Variants in RASGRF1 observed in about 807,000 individuals in gnomAD.
RASGRF1 encodes the protein Ras protein specific guanine nucleotide releasing factor 1, also known as ras-specific guanine nucleotide-releasing factor 1.
Under a neutral mutation model 138.7 loss-of-function variants are expected in RASGRF1, and 40 were observed. The observed-to-expected ratio is 0.29, with a 90% CI of 0.22 to 0.38. The LOEUF (loss-of-function observed/expected upper bound fraction) is 0.38. Ranked by LOEUF, RASGRF1 falls within the 10% of genes least tolerant of loss-of-function variation. The probability of loss-of-function intolerance (pLI) is 1.00; values close to 1 mark genes in which losing one functional copy is unlikely to be tolerated. For synonymous variants in RASGRF1, 614 were observed against 663.2 expected (o/e 0.93, Z 1.14); for missense variants, 1,108 against 1,650.4 (o/e 0.67, Z 5.69).
chr15:78,962,608 C>A (rs866930129), intron 26 of RASGRF1, among the ~76,000 whole-genome samples: 7 of 152,146 alleles, frequency 4.6e-5, no homozygotes, highest in Admixed American at 2.6e-4. Context: ...TAAGGCTGGG[C>A]GTGGTGGCTC....
intron 1 of RASGRF1, among the ~76,000 whole-genome samples, chr15:79,069,292 C>A (rs2057723497): frequency 6.6e-6 from 1 of 152,240 alleles, no homozygotes; most frequent in African/African-American, 2.4e-5. Flanking sequence ...ATGGTCCTCA[C>A]TCCTCTTGCA....
intron 8 of RASGRF1, among the ~76,000 whole-genome samples, chr15:79,029,556 C>T (rs575220452): frequency 2.4e-4 from 36 of 152,172 alleles, no homozygotes; most frequent in African/African-American, 8.4e-4. Context: ...GGTCGCGAGG[C>T]TCCTGGGAGC....
At chr15:79,012,438 GTCTC>G (rs748658278) in intron 13 of RASGRF1, 42 of 1,243,018 alleles carry the variant, frequency 3.4e-5, no homozygotes, top group Non-Finnish European at 3.9e-5. Flanking sequence ...ATCTCTCTAT[GTCTC>G]TCTCTCTCTC....
chr15:79,033,477 C>T (rs2057170948), intron 6 of RASGRF1, among the ~76,000 whole-genome samples: 1 of 151,912 alleles, frequency 6.6e-6, no homozygotes, highest in South Asian at 2.1e-4. Context: ...TCTTGAACTC[C>T]TGCCCTCAAG....
chr15:78,980,596 A>G lies in RASGRF1; in HGVS notation c.3494+24T>C, dbSNP rs1209533581. 5 of 1,558,520 alleles carry G rather than the reference A, an allele frequency of 3.2e-6. No homozygotes were observed. In the African/African-American group the frequency reaches 6.8e-5, roughly 21 times the overall value. On this transcript the variant is annotated intron_variant, in intron 24 of 26. Transcript: ENST00000558480. Reference sequence around the variant, plus strand: ...GCAGGTCTATGATTTTAAAAATAACAGCGACAAAACGACACACACTTACTT... The same window carrying G: ...GCAGGTCTATGATTTTAAAAATAACGGCGACAAAACGACACACACTTACTT...
At chr15:79,010,468 G>A (rs768689544) in intron 13 of RASGRF1, among the ~76,000 whole-genome samples, 14 of 152,352 alleles carry the variant, frequency 9.2e-5, no homozygotes, top group Non-Finnish European at 1.8e-4. Context: ...ACAAGAGAGT[G>A]CTGTGATCCA....
chr15:79,026,166 G>T (rs1373237154), intron 9 of RASGRF1, among the ~76,000 whole-genome samples: 1 of 152,142 alleles, frequency 6.6e-6, no homozygotes, highest in East Asian at 1.9e-4. Flanking sequence ...GAGGTCCACA[G>T]CTCCTCACTG....
At chr15:79,015,258 C>T (rs2056862491) in intron 13 of RASGRF1, 69 bp downstream of exon 13, 2 of 1,486,094 alleles carry the variant, frequency 1.3e-6, no homozygotes, top group Non-Finnish European at 1.9e-6. Context: ...TCCCAGTGTC[C>T]TGGCTGTCAC....
chr15:78,998,728 C>T lies in RASGRF1; in HGVS notation c.2844G>A (p.Lys948=), dbSNP rs1422916077. The change falls in exon 18 of 27, where the codon AAG becomes AAA. Residue 948 remains lysine, a synonymous_variant. Coordinates refer to ENST00000558480, the MANE Select transcript of RASGRF1 (RefSeq NM_001145648.3). ...VLNVLRHWVS[K]HSQDFETNDE... ...GAGGGCTCCCACCCACCTGAGAGTG[C>T]TTGGACACCCAGTGGCGGAGCACGT... The T allele has an allele frequency of 5.6e-6, 9 of 1,613,340 alleles. No individual in the cohort carries two copies. Among genetic ancestry groups the T allele is most frequent in the Non-Finnish European group, 7.6e-6 (9 of 1,179,396 alleles).
chr15:79,014,971 CA>C (rs950612494), intron 13 of RASGRF1, among the ~76,000 whole-genome samples: 38 of 150,376 alleles, frequency 2.5e-4, no homozygotes, highest in African/African-American at 9.3e-4. Flanking sequence ...CAAAACAAAA[CA>C]AAAAAAGGCT....
chr15:78,972,628 G>A (rs537329775), intron 25 of RASGRF1, among the ~76,000 whole-genome samples: 13 of 152,150 alleles, frequency 8.5e-5, no homozygotes, highest in East Asian at 3.9e-4. Flanking sequence ...AGCAGCTTTC[G>A]CTCTTCAGGA....
intron 1 of RASGRF1, among the ~76,000 whole-genome samples, chr15:79,079,199 T>C (rs918080050): frequency 2.0e-5 from 3 of 152,216 alleles, no homozygotes; most frequent in African/African-American, 7.2e-5. Context: ...GCTGTTACAC[T>C]TGGCTGGTCC....
chr15:79,025,507 C>T, intron 9 of RASGRF1, 33 bp from the exon 10 acceptor site: 1 of 1,590,874 alleles, frequency 6.3e-7, no homozygotes, highest in South Asian at 1.1e-5. Flanking sequence ...CTGAGCCCAT[C>T]TCCTGGGGTG....
At chr15:78,982,338 T>A (rs923850578) in intron 23 of RASGRF1, among the ~76,000 whole-genome samples, 4 of 152,198 alleles carry the variant, frequency 2.6e-5, no homozygotes, top group Admixed American at 2.6e-4. Context: ...TTTAACTTCC[T>A]CCACATCCCC....
At chr15:79,011,280 A>C (rs1432239956) in intron 13 of RASGRF1, among the ~76,000 whole-genome samples, 2 of 152,160 alleles carry the variant, frequency 1.3e-5, no homozygotes, top group Non-Finnish European at 2.9e-5. Flanking sequence ...GTATTATTTA[A>C]GAAAGTCAAA....
chr15:79,071,346 GCTTT>G (rs1312429786), intron 1 of RASGRF1, among the ~76,000 whole-genome samples: 1 of 151,230 alleles, frequency 6.6e-6, no homozygotes, highest in East Asian at 1.9e-4. Flanking sequence ...ATTCTCTGAA[GCTTT>G]CTTTTTCTTT....
At chr15:79,003,778 A>G (rs764182107) in intron 15 of RASGRF1, 24 bp downstream of exon 15, 1 of 1,558,638 alleles carries the variant, frequency 6.4e-7, no homozygotes, top group Admixed American at 1.8e-5. Context: ...GCTGGGGGGC[A>G]GCTCCGACGG....
intron 1 of RASGRF1, among the ~76,000 whole-genome samples, chr15:79,083,651 C>G (rs536536779): frequency 7.2e-5 from 11 of 152,330 alleles, no homozygotes; most frequent in African/African-American, 2.2e-4. Context: ...CAGTCCCCAG[C>G]CAGTCTTTAT....
intron 1 of RASGRF1, among the ~76,000 whole-genome samples, chr15:79,072,456 TAGTA>T (rs1472630644): frequency 1.3e-5 from 2 of 151,634 alleles, no homozygotes; most frequent in African/African-American, 4.8e-5. Context: ...TTTGTATTTT[TAGTA>T]GAAACGGGGT....
Sources: gnomAD v4.1 joint callset for allele counts (sites outside exome capture counted in the v4.1 genomes callset) on GRCh38, gnomAD v4.1.1 for gene constraint, MANE v1.5 for transcripts, NCBI Gene and HGNC (gene_info 2026-07-23, HGNC 2026-07-21) for gene names.